The following MDGA2 variants were observed in gnomAD, a reference collection of about 807,000 sequenced individuals.
MDGA2 encodes the protein MAM domain-containing glycosylphosphatidylinositol anchor protein 2.
MDGA2 carries 40 observed loss-of-function variants against 117.8 expected under a neutral mutation model. The ratio of observed to expected loss-of-function variants is 0.34; its 90% confidence interval spans 0.26 to 0.44. The LOEUF (loss-of-function observed/expected upper bound fraction) is 0.44. MDGA2 is among the 20% of genes least tolerant of loss of function. The pLI, the probability that MDGA2 is intolerant of heterozygous loss-of-function variation, is 1.00. For synonymous variants in MDGA2, 452 were observed against 439.0 expected (o/e 1.03, Z -0.37); for missense variants, 1,123 against 1,250.6 (o/e 0.90, Z 1.54).
At position 47,317,826 on chromosome 14, in the gene MDGA2, C is replaced by CTTTG. The variant is rs575771541; in HGVS notation, c.281-16280_281-16277dup. Among the ~76,000 whole-genome samples, 16 of 152,198 alleles carry CTTTG rather than the reference C, an allele frequency of 1.1e-4. No individual in the cohort carries two copies. In the South Asian group the frequency reaches 3.1e-3, roughly 30 times the overall value. ...CACAAATTTATATTTTCCACACAGA[C>CTTTG]TTTGCCCTGTCTTCTAGGCCCCTGT... On this transcript the variant is annotated intron_variant, in intron 1 of 16. Transcript: ENST00000399232.
At chr14:47,174,190 A>G (rs374953424) in intron 3 of MDGA2, among the ~76,000 whole-genome samples, 4 of 152,122 alleles carry the variant, frequency 2.6e-5, no homozygotes, top group Non-Finnish European at 5.9e-5. Context: ...CTCCCACACA[A>G]TAATAATGGG....
intron 14 of MDGA2, among the ~76,000 whole-genome samples, chr14:46,861,917 A>G (rs1481490700): frequency 6.6e-6 from 1 of 151,984 alleles, no homozygotes; most frequent in African/African-American, 2.4e-5. Flanking sequence ...TGTGAAATAG[A>G]ATAAAGCTAT....
chr14:47,162,807 A>G (rs1407488542), intron 3 of MDGA2, among the ~76,000 whole-genome samples: 1 of 151,910 alleles, frequency 6.6e-6, no homozygotes, highest in African/African-American at 2.4e-5. Flanking sequence ...TTCCTGTCCT[A>G]GGCCACTAAT....
chr14:47,593,029 A>G (rs930564237), intron 1 of MDGA2, among the ~76,000 whole-genome samples: 3 of 141,184 alleles, frequency 2.1e-5, no homozygotes, highest in Non-Finnish European at 4.7e-5. Context: ...AGGAACTCAA[A>G]CAAATTTACA....
intron 1 of MDGA2, among the ~76,000 whole-genome samples, chr14:47,546,901 A>G (rs1402492874): frequency 6.6e-6 from 1 of 152,160 alleles, no homozygotes; most frequent in Admixed American, 6.5e-5. Flanking sequence ...TACCTGATTC[A>G]TTTTAGGCAC....
At chr14:47,175,662 A>C (rs1214191457) in intron 3 of MDGA2, among the ~76,000 whole-genome samples, 1 of 151,618 alleles carries the variant, frequency 6.6e-6, no homozygotes, top group Non-Finnish European at 1.5e-5. Context: ...AAATAATAAG[A>C]GCTATCTATG....
At chr14:46,982,465 C>A (rs1405724688) in intron 8 of MDGA2, among the ~76,000 whole-genome samples, 1 of 151,748 alleles carries the variant, frequency 6.6e-6, no homozygotes, top group Non-Finnish European at 1.5e-5. Flanking sequence ...AATCCCAGTA[C>A]TTTGTGGGGC....
In MDGA2 at chr14:47,097,143, G is replaced by A. The variant is rs1445187306; in HGVS notation, c.926-20C>T. On this transcript the variant is annotated intron_variant, in intron 5 of 16. Transcript: ENST00000399232. ...GTGATGCTAAAAGACATAAACAGAAGAACGTGCACCTATTTAGATATGCTA... is the reference window on the plus strand; with the variant it reads ...GTGATGCTAAAAGACATAAACAGAAAAACGTGCACCTATTTAGATATGCTA... 6.2e-7 allele frequency: 1 copy of A among 1,605,014 alleles called. No individual in the cohort carries two copies. Among genetic ancestry groups the A allele is most frequent in the Admixed American group, 1.7e-5 (1 of 59,520 alleles).
intron 9 of MDGA2, among the ~76,000 whole-genome samples, chr14:46,931,738 G>C (rs939750536): frequency 6.6e-6 from 1 of 151,886 alleles, no homozygotes; most frequent in Non-Finnish European, 1.5e-5. Context: ...GGCCAGGTTG[G>C]TCTTGAACTC....
chr14:47,610,766 G>A (rs1025028298), intron 1 of MDGA2, among the ~76,000 whole-genome samples: 3 of 151,912 alleles, frequency 2.0e-5, no homozygotes, highest in African/African-American at 7.2e-5. Context: ...TCAATATGGT[G>A]AAAATAACCA....
At chr14:47,397,586 A>G (rs1028669303) in intron 1 of MDGA2, among the ~76,000 whole-genome samples, 5 of 152,206 alleles carry the variant, frequency 3.3e-5, no homozygotes, top group Admixed American at 1.3e-4. Flanking sequence ...CAAAAGCCAA[A>G]ATAAAAGAAA....
At chr14:47,450,728 A>G (rs1893224788) in intron 1 of MDGA2, among the ~76,000 whole-genome samples, 1 of 152,068 alleles carries the variant, frequency 6.6e-6, no homozygotes, top group Non-Finnish European at 1.5e-5. Context: ...GTTAATATGA[A>G]TAAGGACTCC....
intron 10 of MDGA2, among the ~76,000 whole-genome samples, chr14:46,888,609 T>G (rs1451720734): frequency 6.6e-6 from 1 of 151,872 alleles, no homozygotes. Context: ...AACATGTTAA[T>G]TTTTTCTCTT....
intron 1 of MDGA2, among the ~76,000 whole-genome samples, chr14:47,662,554 G>A (rs1172840069): frequency 1.3e-5 from 2 of 152,082 alleles, no homozygotes; most frequent in Non-Finnish European, 2.9e-5. Context: ...CTGAAACACT[G>A]TTTGAAATAT....
At chr14:47,310,410 T>G (rs765082382) in intron 1 of MDGA2, among the ~76,000 whole-genome samples, 9 of 152,194 alleles carry the variant, frequency 5.9e-5, no homozygotes, top group Middle Eastern at 6.8e-3. Context: ...CCTAAGTCCC[T>G]CACTATGTTC....
chr14:47,349,407 AC>A (rs1475283958), intron 1 of MDGA2, among the ~76,000 whole-genome samples: 1 of 152,250 alleles, frequency 6.6e-6, no homozygotes, highest in African/African-American at 2.4e-5. Context: ...ATTGCTATTG[AC>A]AAAGTCAAAT....
chr14:47,425,748 T>C (rs2900007), intron 1 of MDGA2, among the ~76,000 whole-genome samples: 60,915 of 151,912 alleles, frequency 0.4, 12,354 homozygotes, highest in South Asian at 0.57. Flanking sequence ...TATGTGTGTA[T>C]ATTTTGACAT....
chr14:47,447,405 C>T lies in MDGA2; in HGVS notation c.281-145855G>A, dbSNP rs76702080. Among the ~76,000 whole-genome samples, 424 of 152,288 alleles carry T rather than the reference C, an allele frequency of 2.8e-3. 1 individual carries two copies. The highest frequency in any genetic ancestry group is 9.7e-3 in the African/African-American group (402 of 41,558). The stretch of plus-strand genomic sequence containing the variant: ...CAAAGAAAGAAAAAGGAGAAGGCTT[C>T]CTTCGTTGCCTCAGGTGCCAGTGGG... On this transcript the variant is annotated intron_variant, in intron 1 of 16. Coordinates refer to ENST00000399232, the MANE Select transcript of MDGA2 (RefSeq NM_001113498.3).
chr14:46,869,970 C>T (rs1881932377), intron 14 of MDGA2, among the ~76,000 whole-genome samples: 1 of 151,914 alleles, frequency 6.6e-6, no homozygotes, highest in South Asian at 2.1e-4. Context: ...CCTCCCCAAA[C>T]TGAGTCTTCA....
Sources: gnomAD v4.1 joint callset for allele counts (sites outside exome capture counted in the v4.1 genomes callset) on GRCh38, gnomAD v4.1.1 for gene constraint, MANE v1.5 for transcripts, NCBI Gene and HGNC (gene_info 2026-07-23, HGNC 2026-07-21) for gene names.